Variants in SORBS2 observed in about 807,000 individuals in gnomAD.
SORBS2 encodes the protein sorbin and SH3 domain-containing protein 2.
A neutral mutation model predicts 97.7 loss-of-function variants in SORBS2; 46 were observed. The ratio of observed to expected loss-of-function variants is 0.47; its 90% CI spans 0.37 to 0.60. The LOEUF is 0.60. Ranked by LOEUF, SORBS2 falls within the 20% of genes least tolerant of loss-of-function variation. The pLI is 0.00. For synonymous variants in SORBS2, 476 were observed against 473.4 expected (o/e 1.01, Z -0.07); for missense variants, 1,316 against 1,282.3 (o/e 1.03, Z -0.40).
chr4:185,613,496 A>C (rs943902691), intron 11 of SORBS2, among the ~76,000 whole-genome samples: 1 of 145,194 alleles, frequency 6.9e-6, no homozygotes, highest in African/African-American at 2.6e-5. Flanking sequence ...AAAAATACAA[A>C]AATTAGCCGG....
chr4:185,617,249 T>C (rs758116951), intron 9 of SORBS2, among the ~76,000 whole-genome samples: 2 of 152,194 alleles, frequency 1.3e-5, no homozygotes, highest in African/African-American at 4.8e-5. Flanking sequence ...TCACACCATA[T>C]CCACAGAACA....
intron 1 of SORBS2, among the ~76,000 whole-genome samples, chr4:185,938,389 TACACACACACACACACAC>T (rs34337257): frequency 2.2e-5 from 3 of 136,440 alleles, no homozygotes; most frequent in Non-Finnish European, 4.7e-5. Flanking sequence ...TGTAGACACA[TACACACACACACACACAC>T]ACACACACAC....
At chr4:185,917,264 T>A (rs2099258681) in intron 1 of SORBS2, among the ~76,000 whole-genome samples, 1 of 152,208 alleles carries the variant, frequency 6.6e-6, no homozygotes, top group South Asian at 2.1e-4. Context: ...TCTAACTCTG[T>A]TGCCCAGGCT....
intron 1 of SORBS2, among the ~76,000 whole-genome samples, chr4:185,864,916 A>AAAAAAG (rs1358836178): frequency 6.6e-6 from 1 of 151,826 alleles, no homozygotes; most frequent in African/African-American, 2.4e-5. Context: ...TGTCTCAAAA[A>AAAAAAG]AAAAAGAAAA....
chr4:185,623,561 CAGA>C lies in SORBS2; in HGVS notation c.1565_1567del (p.Phe522del). 6.2e-7 allele frequency: 1 copy of C among 1,614,032 alleles called. No individual in the cohort carries two copies. Among genetic ancestry groups the C allele is most frequent in the Non-Finnish European group, 8.5e-7 (1 of 1,180,010 alleles). On this transcript the variant is annotated inframe_deletion, in exon 7 of 15. Coordinates refer to ENST00000418609, the Ensembl canonical transcript of SORBS2. The surrounding 1 kb of genome is among the most constrained non-coding windows in gnomAD (Gnocchi z 6.4). ...AAAGTGATCAAAGTCACTTTCACTG[CAGA>C]AGGATGACCCCTCTAGGTGAATGTA...
intron 1 of SORBS2, among the ~76,000 whole-genome samples, chr4:185,808,476 T>A (rs2099165952): frequency 6.6e-6 from 1 of 152,190 alleles, no homozygotes; most frequent in Non-Finnish European, 1.5e-5. Context: ...AAAAGGCTAC[T>A]GAAATCAGGC....
chr4:185,630,099 G>A (rs749083261), intron 5 of SORBS2, among the ~76,000 whole-genome samples: 1 of 152,084 alleles, frequency 6.6e-6, no homozygotes, highest in Non-Finnish European at 1.5e-5. Context: ...GATTGAATAT[G>A]TTTTGTACTT....
At chr4:185,834,056 A>C (rs185298032) in intron 1 of SORBS2, among the ~76,000 whole-genome samples, 21 of 152,354 alleles carry the variant, frequency 1.4e-4, no homozygotes, top group Admixed American at 7.2e-4. Flanking sequence ...ATAATGTTTA[A>C]ACAGCCTTCA....
At chr4:185,787,159 A>C (rs2099060192) in intron 1 of SORBS2, among the ~76,000 whole-genome samples, 1 of 152,136 alleles carries the variant, frequency 6.6e-6, no homozygotes, top group South Asian at 2.1e-4. Context: ...CCTTGAGGAT[A>C]GGATTCCTTT....
chr4:185,753,728 G>C (rs2098814246), intron 2 of SORBS2, among the ~76,000 whole-genome samples: 1 of 152,146 alleles, frequency 6.6e-6, no homozygotes, highest in Non-Finnish European at 1.5e-5. Context: ...GAATAGAAAA[G>C]TGAAATTCTC....
intron 1 of SORBS2, among the ~76,000 whole-genome samples, chr4:185,928,764 T>A (rs2099265000): frequency 6.6e-6 from 1 of 152,152 alleles, no homozygotes. Context: ...GCCAGGATGG[T>A]CTTGATCTCC....
At chr4:185,846,045 T>C (rs904674875) in intron 1 of SORBS2, among the ~76,000 whole-genome samples, 2 of 152,216 alleles carry the variant, frequency 1.3e-5, no homozygotes, top group Non-Finnish European at 2.9e-5. Flanking sequence ...CCCAACTCCT[T>C]GGCATTTATC....
chr4:185,835,601 G>A (rs918340955), intron 1 of SORBS2, among the ~76,000 whole-genome samples: 8 of 151,226 alleles, frequency 5.3e-5, no homozygotes, highest in African/African-American at 9.7e-5. Context: ...AGGTGATCAC[G>A]ATGGAAAGAT....
At chr4:185,743,763 C>T (rs1419191068) in intron 2 of SORBS2, among the ~76,000 whole-genome samples, 1 of 151,224 alleles carries the variant, frequency 6.6e-6, no homozygotes, top group Non-Finnish European at 1.5e-5. Context: ...TCCTCCTCCT[C>T]TTCTGGTTCT....
At chr4:185,851,647 G>A (rs1041193796) in intron 1 of SORBS2, among the ~76,000 whole-genome samples, 4 of 152,090 alleles carry the variant, frequency 2.6e-5, no homozygotes, top group African/African-American at 9.7e-5. Context: ...TGAGTCAGTG[G>A]GCTGGGAAGG....
chr4:185,881,263 G>A (rs933778517), intron 1 of SORBS2, among the ~76,000 whole-genome samples: 4 of 151,992 alleles, frequency 2.6e-5, no homozygotes, highest in Admixed American at 2.0e-4. Context: ...GTGAAAGCAT[G>A]GGAAAGGAGA....
chr4:185,702,857 C>A (rs898182108), intron 2 of SORBS2, among the ~76,000 whole-genome samples: 1 of 152,028 alleles, frequency 6.6e-6, no homozygotes, highest in Admixed American at 6.6e-5. Flanking sequence ...TATATTCAAC[C>A]AACAAACATT....
chr4:185,693,668 A>G (rs531213315), intron 2 of SORBS2, among the ~76,000 whole-genome samples: 1 of 152,262 alleles, frequency 6.6e-6, no homozygotes, highest in Non-Finnish European at 1.5e-5. Flanking sequence ...TGAGGAAGAC[A>G]GTATTCGGGC....
chr4:185,774,394 T>C (rs1368043296), intron 2 of SORBS2: 1 of 152,126 alleles, frequency 6.6e-6, no homozygotes, highest in Non-Finnish European at 1.5e-5. Flanking sequence ...TTAAAGGAAA[T>C]GCTATGAAAG....
Sources: allele counts gnomAD v4.1 joint callset (sites outside exome capture counted in the v4.1 genomes callset), GRCh38; gene constraint gnomAD v4.1.1; non-coding constraint Gnocchi (gnomAD v3.1); transcripts MANE v1.5; gene names NCBI Gene and HGNC (gene_info 2026-07-23, HGNC 2026-07-21).